Variants in LHFPL3 observed in about 807,000 individuals in gnomAD.
The protein encoded by LHFPL3 is LHFPL tetraspan subfamily member 3.
Under a neutral mutation model 19.3 loss-of-function variants are expected in LHFPL3, and 5 were observed. That is an observed-to-expected ratio of 0.26 (90% CI 0.14 to 0.54). LHFPL3 has a LOEUF of 0.54. Among genes scored for constraint, LHFPL3 ranks in the 20% least tolerant of loss-of-function variants. The pLI, the probability that LHFPL3 is intolerant of heterozygous loss-of-function variation, is 0.94. For synonymous variants in LHFPL3, 133 were observed against 126.2 expected (o/e 1.05, Z -0.36); for missense variants, 249 against 307.4 (o/e 0.81, Z 1.42).
At chr7:104,678,277 G>A (rs1369769931) in intron 1 of LHFPL3, among the ~76,000 whole-genome samples, 1 of 152,106 alleles carries the variant, frequency 6.6e-6, no homozygotes, top group African/African-American at 2.4e-5. Flanking sequence ...GAGAATTCTG[G>A]GCAGGTTTAA....
At chr7:104,711,456 G>C (rs1372004835) in intron 1 of LHFPL3, among the ~76,000 whole-genome samples, 4 of 152,184 alleles carry the variant, frequency 2.6e-5, no homozygotes, top group Admixed American at 2.6e-4. Context: ...TCCAAAGTTA[G>C]GCTTGATTCA....
At chr7:104,341,072 C>T (rs1789936139) in intron 1 of LHFPL3, among the ~76,000 whole-genome samples, 1 of 152,190 alleles carries the variant, frequency 6.6e-6, no homozygotes. Context: ...ATTGAATATT[C>T]TCCATCTCTA....
At chr7:104,478,371 C>T (rs959645847) in intron 1 of LHFPL3, among the ~76,000 whole-genome samples, 1 of 152,066 alleles carries the variant, frequency 6.6e-6, no homozygotes, top group African/African-American at 2.4e-5. Flanking sequence ...AGAGCCAAGG[C>T]CATGGACTTT....
At chr7:104,650,558 C>G (rs903116849) in intron 1 of LHFPL3, among the ~76,000 whole-genome samples, 1 of 152,194 alleles carries the variant, frequency 6.6e-6, no homozygotes, top group African/African-American at 2.4e-5. Flanking sequence ...TAAATTATTC[C>G]ATTCAGATTA....
chr7:104,700,540 G>C (rs535500829), intron 1 of LHFPL3, among the ~76,000 whole-genome samples: 16 of 152,134 alleles, frequency 1.1e-4, no homozygotes, highest in South Asian at 2.1e-4. Flanking sequence ...TCTGTATTCT[G>C]TTTATTTGTT....
intron 1 of LHFPL3, among the ~76,000 whole-genome samples, chr7:104,590,937 C>T (rs1235911893): frequency 6.6e-6 from 1 of 152,060 alleles, no homozygotes; most frequent in Non-Finnish European, 1.5e-5. Context: ...GATTGCAACA[C>T]CTGCTTTTTT....
chr7:104,671,946 C>T (rs1158014627), intron 1 of LHFPL3, among the ~76,000 whole-genome samples: 1 of 152,102 alleles, frequency 6.6e-6, no homozygotes, highest in East Asian at 1.9e-4. Context: ...CCTTCCATTA[C>T]TTCTATAGAT....
intron 1 of LHFPL3, among the ~76,000 whole-genome samples, chr7:104,705,852 G>A (rs1793181829): frequency 6.6e-6 from 1 of 152,142 alleles, no homozygotes; most frequent in African/African-American, 2.4e-5. Context: ...CTTCAGATGA[G>A]TGGGGTCTGG....
rs1554391164 is a variant in LHFPL3, at chr7:104,417,884, C to CTTCTTTT, written c.445+88662_445+88663insCTTTTTT. 1.0e-3 allele frequency among the ~76,000 whole-genome samples: 119 copies of CTTCTTTT among 117,752 alleles called. 4 individuals are homozygous for CTTCTTTT. The highest frequency in any genetic ancestry group is 3.9e-3 in the African/African-American group (115 of 29,582). The allele number at this position is 117,752 out of a possible 152,430, so 77.2% of individuals were successfully genotyped here. On this transcript the variant is annotated intron_variant, in intron 1 of 2. Transcript: ENST00000424859. ...TCTTCTTCTTCTTCTTCTTCTTCTT[C>CTTCTTTT]TTTTTTTTTTTTTTTTGAGATGGGG...
In LHFPL3 at chr7:104,399,732, A is replaced by G. The variant is rs1791273100; in HGVS notation, c.445+70508A>G. ...CGTGCTCCGCCCACCTCGGCCTCCC[A>G]AAGTGCTGGGATTACAGTTGTAAGC... On this transcript the variant is annotated intron_variant, in intron 1 of 2. Coordinates refer to ENST00000424859, the MANE Select transcript of LHFPL3 (RefSeq NM_199000.3). The surrounding 1 kb of genome is among the most constrained non-coding windows in gnomAD (Gnocchi z 4.4). Among the ~76,000 whole-genome samples, 1 of 146,106 alleles carries G rather than the reference A, an allele frequency of 6.8e-6. No homozygotes were observed. Among genetic ancestry groups the G allele is most frequent in the South Asian group, 2.2e-4 (1 of 4,526 alleles).
At chr7:104,563,960 A>G (rs1320465784) in intron 1 of LHFPL3, among the ~76,000 whole-genome samples, 1 of 152,236 alleles carries the variant, frequency 6.6e-6, no homozygotes, top group Non-Finnish European at 1.5e-5. Flanking sequence ...TCTTTCTGCC[A>G]TAGAAAATAC....
chr7:104,831,373 T>G (rs1790950781), intron 2 of LHFPL3, among the ~76,000 whole-genome samples: 1 of 152,022 alleles, frequency 6.6e-6, no homozygotes, highest in Non-Finnish European at 1.5e-5. Flanking sequence ...CTTGTTTTCC[T>G]TAAGAAAAAC....
At chr7:104,700,874 A>G (rs1442265476) in intron 1 of LHFPL3, among the ~76,000 whole-genome samples, 1 of 152,108 alleles carries the variant, frequency 6.6e-6, no homozygotes, top group East Asian at 1.9e-4. Flanking sequence ...AGAGCCCTTC[A>G]TCCTCTTCTC....
chr7:104,598,907 G>C (rs752062481), intron 1 of LHFPL3, among the ~76,000 whole-genome samples: 5 of 151,586 alleles, frequency 3.3e-5, no homozygotes, highest in Non-Finnish European at 7.4e-5. Flanking sequence ...GTTTTTTAGA[G>C]ATGGACTAGA....
rs577307033 is a variant in LHFPL3, at chr7:104,880,998, A to G, written c.683-25189A>G. Among the ~76,000 whole-genome samples, 680 of 152,080 alleles carry G rather than the reference A, an allele frequency of 4.5e-3. 2 individuals are homozygous for G. Among genetic ancestry groups the G allele is most frequent in the Middle Eastern group, 0.01 (3 of 294 alleles). On this transcript the variant is annotated intron_variant, in intron 2 of 2. Transcript: ENST00000424859. ...TTCCTGGCTAACACAATGAAACCCCATCTCTACTGAAAATACAAAATATTA... is the reference window on the plus strand; with the variant it reads ...TTCCTGGCTAACACAATGAAACCCCGTCTCTACTGAAAATACAAAATATTA...
intron 1 of LHFPL3, among the ~76,000 whole-genome samples, chr7:104,675,209 ATCT>A (rs1792568608): frequency 6.6e-6 from 1 of 152,280 alleles, no homozygotes; most frequent in Non-Finnish European, 1.5e-5. Flanking sequence ...CCAAGGAGAC[ATCT>A]AAGAGAAGTG....
At chr7:104,488,177 G>A (rs760532409) in intron 1 of LHFPL3, among the ~76,000 whole-genome samples, 34 of 152,028 alleles carry the variant, frequency 2.2e-4, no homozygotes, top group Admixed American at 3.3e-4. Context: ...TCTCTGCTTG[G>A]CACCTCTTCA....
At chr7:104,610,214 G>A (rs1791186341) in intron 1 of LHFPL3, among the ~76,000 whole-genome samples, 1 of 152,168 alleles carries the variant, frequency 6.6e-6, no homozygotes, top group East Asian at 1.9e-4. Flanking sequence ...CTGAATCTAA[G>A]AGACTCACTA....
intron 1 of LHFPL3, among the ~76,000 whole-genome samples, chr7:104,401,244 A>T (rs1332602766): frequency 6.6e-6 from 1 of 152,230 alleles, no homozygotes; most frequent in African/African-American, 2.4e-5. Context: ...TATTTATCCC[A>T]AATTAGTGTA....
Sources: gnomAD v4.1 joint callset for allele counts (sites outside exome capture counted in the v4.1 genomes callset) on GRCh38, gnomAD v4.1.1 for gene constraint, Gnocchi (gnomAD v3.1) non-coding constraint, MANE v1.5 for transcripts, NCBI Gene and HGNC (gene_info 2026-07-23, HGNC 2026-07-21) for gene names.